CNTN3: variants seen among roughly 807,000 people sequenced by gnomAD.
CNTN3 encodes contactin-3.
A neutral mutation model predicts 119.1 loss-of-function variants in CNTN3; 60 were observed. The ratio of observed to expected loss-of-function variants is 0.50; its 90% CI spans 0.41 to 0.62. The LOEUF (loss-of-function observed/expected upper bound fraction) is 0.62. Ranked by LOEUF, CNTN3 falls within the 20% of genes least tolerant of loss-of-function variation. The pLI is 0.00. For missense variants in CNTN3, 1,101 were observed against 1,242.4 expected (o/e 0.89, Z 1.71); for synonymous variants, 450 against 438.7 (o/e 1.03, Z -0.32).
chr3:74,569,473 C>A (rs1704276783), intron 1 of CNTN3, among the ~76,000 whole-genome samples: 1 of 152,162 alleles, frequency 6.6e-6, no homozygotes, highest in Non-Finnish European at 1.5e-5. Context: ...TAAAACTGCC[C>A]AAGCCCAGTG....
At chr3:74,294,236 T>A (rs1702289701) in intron 19 of CNTN3, among the ~76,000 whole-genome samples, 1 of 152,212 alleles carries the variant, frequency 6.6e-6, no homozygotes, top group African/African-American at 2.4e-5. Flanking sequence ...ATGTCATTGC[T>A]GGCAAAATCT....
Position 74,327,105 on chromosome 3 carries a change from CCTTTTTTTTTTT to C in CNTN3, c.1668+7618_1668+7629del, listed in dbSNP as rs1211032113. Among the ~76,000 whole-genome samples the C allele has an allele frequency of 2.1e-4, 19 of 90,702 alleles. No homozygotes were observed. In the Admixed American group the frequency reaches 2.1e-3, roughly 10 times the overall value. The allele number at this position is 90,702 out of a possible 152,430, so 59.5% of individuals were successfully genotyped here. ...CTAAAGTAGCTTATGAAGGGTTAAT[CCTTTTTTTTTTT>C]TTTTTTTTTTTTTTGTTTGTTTGTT... On this transcript the variant is annotated intron_variant, in intron 13 of 22. Coordinates refer to ENST00000263665, the MANE Select transcript of CNTN3 (RefSeq NM_020872.3).
intron 13 of CNTN3, among the ~76,000 whole-genome samples, chr3:74,311,304 A>G (rs1702679920): frequency 1.3e-5 from 2 of 152,196 alleles, no homozygotes; most frequent in African/African-American, 4.8e-5. Flanking sequence ...GTCATATTGA[A>G]AAAGATAAAG....
rs568853945 is a variant in CNTN3, at chr3:74,447,935, G to A, written c.359-22995C>T. 2.6e-5 allele frequency among the ~76,000 whole-genome samples: 4 copies of A among 152,298 alleles called. No homozygotes were observed. In the South Asian group the frequency reaches 8.3e-4, roughly 32 times the overall value. Reference sequence around the variant, plus strand: ...ACTAGGGGAATAACTCATTCTGGCAGACCCATCAGGATGCAGCCCAGCTTA... The same window carrying A: ...ACTAGGGGAATAACTCATTCTGGCAAACCCATCAGGATGCAGCCCAGCTTA... On this transcript the variant is annotated intron_variant, in intron 4 of 22. Transcript: ENST00000263665.
chr3:74,438,513 T>C (rs1394878140), intron 4 of CNTN3, among the ~76,000 whole-genome samples: 3 of 152,212 alleles, frequency 2.0e-5, no homozygotes, highest in African/African-American at 7.2e-5. Context: ...GACTTATTTG[T>C]CATCCAAGTC....
rs11919540 is a variant in CNTN3, at chr3:74,480,290, T to G, written c.358+6166A>C. On this transcript the variant is annotated intron_variant, in intron 4 of 22. Transcript: ENST00000263665. The stretch of plus-strand genomic sequence containing the variant: ...AAACTGTCTTGTGATCACTGGGGAC[T>G]CTATCCAGTTGTGGCACATTCAGTG... Among the ~76,000 whole-genome samples the G allele has an allele frequency of 4.3e-3, 660 of 152,252 alleles. 8 individuals are homozygous for G. Among genetic ancestry groups the G allele is most frequent in the African/African-American group, 0.015 (634 of 41,568 alleles).
At chr3:74,489,579 CACA>C (rs1197260257) in intron 3 of CNTN3, among the ~76,000 whole-genome samples, 5 of 151,984 alleles carry the variant, frequency 3.3e-5, no homozygotes, top group African/African-American at 1.2e-4. Flanking sequence ...TCATGAAGCT[CACA>C]TTTTTTAGAT....
rs1559563724 is a variant in CNTN3, at chr3:74,362,009, C to T, written c.1245G>A (p.Met415Ile). 1 of 1,613,556 alleles carries T rather than the reference C, an allele frequency of 6.2e-7. No individual in the cohort carries two copies. The highest frequency in any genetic ancestry group is 1.7e-5 in the Admixed American group (1 of 59,996). The change falls in exon 11 of 23, where the codon ATG becomes ATA. Residue 415 changes from methionine (M) to isoleucine (I), a missense_variant. Coordinates refer to ENST00000263665, the MANE Select transcript of CNTN3 (RefSeq NM_020872.3). ...CCACCTGCACCTGAACCAACTTCTT[C>T]ATTGGATTCTTTGAAAAATCTGGAG... Reference protein sequence around the residue: ...ASAPDFSKNPMKKLVQVQVGS... With the variant: ...ASAPDFSKNPIKKLVQVQVGS...
chr3:74,371,536 G>T, intron 5 of CNTN3, 137 bp from the exon 6 acceptor site: 5 of 563,222 alleles, frequency 8.9e-6, no homozygotes, highest in South Asian at 6.1e-5. Flanking sequence ...ATGAAGAGAA[G>T]CAGTTAAGTG....
chr3:74,308,114 C>G (rs965079164), intron 13 of CNTN3, among the ~76,000 whole-genome samples: 1 of 152,150 alleles, frequency 6.6e-6, no homozygotes, highest in African/African-American at 2.4e-5. Context: ...CCGGAAGGAA[C>G]AGGTGGTGAC....
intron 1 of CNTN3, among the ~76,000 whole-genome samples, chr3:74,586,865 C>A (rs1704601681): frequency 6.6e-6 from 1 of 152,044 alleles, no homozygotes; most frequent in Non-Finnish European, 1.5e-5. Context: ...TATTAAATGT[C>A]TTTTCTCAAG....
At position 74,391,659 on chromosome 3, in the gene CNTN3, G is replaced by A. The variant is rs548340899; in HGVS notation, c.455-20260C>T. ...TTGGCTCACTATAACCTCCACCCCC[G>A]GGGTTCAAGTGATTCTCCTGTCTCA... On this transcript the variant is annotated intron_variant, in intron 5 of 22. Coordinates refer to ENST00000263665, the MANE Select transcript of CNTN3 (RefSeq NM_020872.3). Among the ~76,000 whole-genome samples the A allele has an allele frequency of 2.7e-5, 4 of 147,926 alleles. No homozygotes were observed. The East Asian group carries it at 6.1e-4, about 23-fold the overall frequency.
intron 1 of CNTN3, among the ~76,000 whole-genome samples, chr3:74,529,968 A>T (rs574165718): frequency 9.9e-5 from 15 of 151,660 alleles, no homozygotes; most frequent in African/African-American, 3.6e-4. Flanking sequence ...TGGCTGAAAT[A>T]GAGTTTCAAC....
chr3:74,271,685 C>T (rs1701779032), intron 20 of CNTN3, among the ~76,000 whole-genome samples: 1 of 152,150 alleles, frequency 6.6e-6, no homozygotes, highest in Admixed American at 6.5e-5. Context: ...TAACTAGTAG[C>T]TAGAAGTTAC....
intron 1 of CNTN3, among the ~76,000 whole-genome samples, chr3:74,605,734 G>A (rs1002764036): frequency 6.6e-6 from 1 of 152,156 alleles, no homozygotes; most frequent in African/African-American, 2.4e-5. Flanking sequence ...CCACAGGGCA[G>A]ACTCAGTGTG....
chr3:74,417,992 A>G (rs981584914), intron 5 of CNTN3, among the ~76,000 whole-genome samples: 2 of 152,152 alleles, frequency 1.3e-5, no homozygotes, highest in African/African-American at 4.8e-5. Context: ...TATTGTACAG[A>G]TGCCAATTTC....
intron 4 of CNTN3, among the ~76,000 whole-genome samples, chr3:74,452,152 G>C (rs1236849255): frequency 1.4e-5 from 2 of 142,190 alleles, no homozygotes; most frequent in African/African-American, 5.3e-5. Context: ...CATGAGCATG[G>C]AATGTTCTTC....
intron 1 of CNTN3, among the ~76,000 whole-genome samples, chr3:74,596,045 A>G (rs1704803251): frequency 6.6e-6 from 1 of 151,778 alleles, no homozygotes; most frequent in African/African-American, 2.4e-5. Flanking sequence ...ATACACCAAA[A>G]ACAGACAGAG....
intron 5 of CNTN3, among the ~76,000 whole-genome samples, chr3:74,407,077 C>G (rs1381376576): frequency 6.6e-6 from 1 of 152,028 alleles, no homozygotes; most frequent in Non-Finnish European, 1.5e-5. Flanking sequence ...ATCTTTCATT[C>G]TCTCTTACAA....
Sources: gnomAD v4.1 joint callset for allele counts (sites outside exome capture counted in the v4.1 genomes callset) on GRCh38, gnomAD v4.1.1 for gene constraint, MANE v1.5 for transcripts, NCBI Gene and HGNC (gene_info 2026-07-23, HGNC 2026-07-21) for gene names.